The following PHYHIPL variants were observed in gnomAD, a reference collection of about 807,000 sequenced individuals.
PHYHIPL encodes the protein phytanoyl-CoA 2-hydroxylase interacting protein like, also known as phytanoyl-CoA hydroxylase-interacting protein-like.
In PHYHIPL, 9 loss-of-function variants were observed where a neutral mutation model predicts 33.4. The observed-to-expected ratio is 0.27, with a 90% CI of 0.16 to 0.47. PHYHIPL has a LOEUF of 0.47. Ranked by LOEUF, PHYHIPL falls within the 20% of genes least tolerant of loss-of-function variation. The pLI is 0.99. For missense variants in PHYHIPL, 365 were observed against 460.7 expected (o/e 0.79, Z 1.90); for synonymous variants, 153 against 154.1 (o/e 0.99, Z 0.05).
At chr10:59,208,711 C>A (rs1301555987) in intron 1 of PHYHIPL, among the ~76,000 whole-genome samples, 1 of 151,852 alleles carries the variant, frequency 6.6e-6, no homozygotes, top group African/African-American at 2.4e-5. Flanking sequence ...ACTAGAATAA[C>A]CAGTTTAGAG....
intron 1 of PHYHIPL, among the ~76,000 whole-genome samples, chr10:59,195,745 C>G (rs1168324479): frequency 6.6e-6 from 1 of 152,112 alleles, no homozygotes; most frequent in Non-Finnish European, 1.5e-5. Flanking sequence ...TTGTATTCTA[C>G]TACTTGGTAA....
intron 1 of PHYHIPL, among the ~76,000 whole-genome samples, chr10:59,231,214 T>C (rs1840070273): frequency 6.6e-6 from 1 of 152,000 alleles, no homozygotes; most frequent in Admixed American, 6.6e-5. Context: ...AATTGAAACA[T>C]AAATATGATA....
intron 1 of PHYHIPL, among the ~76,000 whole-genome samples, chr10:59,223,869 AG>A (rs1441715721): frequency 6.6e-6 from 1 of 152,048 alleles, no homozygotes; most frequent in Admixed American, 6.6e-5. Context: ...TGTGTTGCCC[AG>A]GCTGGTCTTG....
chr10:59,230,219 T>TG (rs1314869050), intron 1 of PHYHIPL, among the ~76,000 whole-genome samples: 2 of 148,872 alleles, frequency 1.3e-5, no homozygotes, highest in Non-Finnish European at 3.0e-5. Flanking sequence ...TTTCTTTTTT[T>TG]TTTTTTTTTT....
intron 4 of PHYHIPL, among the ~76,000 whole-genome samples, chr10:59,239,461 T>G (rs1299517714): frequency 6.6e-6 from 1 of 152,024 alleles, no homozygotes; most frequent in Non-Finnish European, 1.5e-5. Context: ...GTTCCTCCCA[T>G]GACATGTGGG....
chr10:59,223,314 C>T (rs971099211), intron 1 of PHYHIPL, among the ~76,000 whole-genome samples: 3 of 152,190 alleles, frequency 2.0e-5, no homozygotes, highest in Non-Finnish European at 4.4e-5. Context: ...TCTTGCAATT[C>T]ATTCTTGTCT....
intron 1 of PHYHIPL, among the ~76,000 whole-genome samples, chr10:59,194,718 T>C (rs1285402208): frequency 6.6e-6 from 1 of 152,328 alleles, no homozygotes; most frequent in Non-Finnish European, 1.5e-5. Flanking sequence ...AACTAATTTG[T>C]CTTAAAACAA....
At chr10:59,206,348 A>G (rs150052694) in intron 1 of PHYHIPL, among the ~76,000 whole-genome samples, 61 of 152,304 alleles carry the variant, frequency 4.0e-4, no homozygotes, top group African/African-American at 1.3e-3. Context: ...GACTTCTGCC[A>G]TTTGTAGGCT....
chr10:59,239,390 T>TATCA (rs993811568), intron 4 of PHYHIPL, among the ~76,000 whole-genome samples: 1 of 151,926 alleles, frequency 6.6e-6, no homozygotes, highest in Non-Finnish European at 1.5e-5. Context: ...ACTCATTCAC[T>TATCA]ATCATGAGAA....
chr10:59,184,262 A>G (rs117750885), intron 1 of PHYHIPL, among the ~76,000 whole-genome samples: 6,238 of 152,250 alleles, frequency 0.041, 198 homozygotes, highest in Non-Finnish European at 0.06. Context: ...GTCTATGGCT[A>G]CTTTCTTGCT....
intron 1 of PHYHIPL, among the ~76,000 whole-genome samples, chr10:59,199,568 A>G (rs1839034193): frequency 6.6e-6 from 1 of 152,188 alleles, no homozygotes; most frequent in Non-Finnish European, 1.5e-5. Context: ...TGAACTTTAA[A>G]GTAGTTTTTT....
At chr10:59,200,101 G>A (rs1839053587) in intron 1 of PHYHIPL, among the ~76,000 whole-genome samples, 1 of 152,150 alleles carries the variant, frequency 6.6e-6, no homozygotes. Context: ...ATGTTGAATA[G>A]GAGTGGTGAG....
chr10:59,198,829 G>C (rs1449305148), intron 1 of PHYHIPL, among the ~76,000 whole-genome samples: 1 of 152,170 alleles, frequency 6.6e-6, no homozygotes, highest in Non-Finnish European at 1.5e-5. Flanking sequence ...TTTTTCATGT[G>C]TCTGTTGGCT....
At chr10:59,179,697 G>C (rs1838347539) in intron 1 of PHYHIPL, among the ~76,000 whole-genome samples, 1 of 151,674 alleles carries the variant, frequency 6.6e-6, no homozygotes, top group South Asian at 2.1e-4. Flanking sequence ...TCTGTCACTT[G>C]CCTATTTTCC....
Position 59,236,531 on chromosome 10 carries a change from G to A in PHYHIPL, c.352G>A (p.Val118Ile). 6.2e-7 allele frequency: 1 copy of A among 1,610,492 alleles called. No homozygotes were observed. The highest frequency in any genetic ancestry group is 1.1e-5 in the South Asian group (1 of 90,628). ...VAKAVPLPMT[V>I]RGHWFLSPRT... ...AAAAGCTGTTCCCTTGCCTATGACT[G>A]TCCGTGGACACTGGTTTTTAAGCCC... The change falls in exon 3 of 5, where the codon GTC becomes ATC. Residue 118 changes from valine to isoleucine, a missense_variant. Physicochemically the swap from Val to Ile is conservative, Grantham distance 29. This residue lies in a region of PHYHIPL where 63 missense variants were observed against 119.3 expected (regional missense o/e 0.53). Transcript: ENST00000373880.
chr10:59,234,210 C>A, intron 1 of PHYHIPL, 94 bp from the exon 2 acceptor site: 1 of 1,016,544 alleles, frequency 9.8e-7, no homozygotes, highest in Non-Finnish European at 1.4e-6. Flanking sequence ...AGTAAGTCAT[C>A]TCTACTTTTT....
At chr10:59,198,439 T>G (rs932609356) in intron 1 of PHYHIPL, among the ~76,000 whole-genome samples, 1 of 152,136 alleles carries the variant, frequency 6.6e-6, no homozygotes, top group Non-Finnish European at 1.5e-5. Flanking sequence ...ACATTTTTTT[T>G]AATCCACTCT....
chr10:59,237,647 G>A (rs1840264855), intron 3 of PHYHIPL, among the ~76,000 whole-genome samples: 1 of 151,736 alleles, frequency 6.6e-6, no homozygotes, highest in Non-Finnish European at 1.5e-5. Context: ...AACTAATTAA[G>A]CCCATACTGT....
At chr10:59,242,735 A>ACAT (rs1840446011) in intron 4 of PHYHIPL, among the ~76,000 whole-genome samples, 1 of 152,208 alleles carries the variant, frequency 6.6e-6, no homozygotes, top group Non-Finnish European at 1.5e-5. Context: ...AAATTTTGGA[A>ACAT]CATAAAAACA....
Sources: gnomAD v4.1 joint callset for allele counts (sites outside exome capture counted in the v4.1 genomes callset) on GRCh38, gnomAD v4.1.1 for gene constraint, gnomAD v4.1.1 regional missense constraint, MANE v1.5 for transcripts, NCBI Gene and HGNC (gene_info 2026-07-23, HGNC 2026-07-21) for gene names.